The following FAM13B variants were observed in gnomAD, a reference collection of about 807,000 sequenced individuals.
FAM13B encodes the protein protein FAM13B.
Under a neutral mutation model 117.3 loss-of-function variants are expected in FAM13B, and 60 were observed. The ratio of observed to expected loss-of-function variants is 0.51; its 90% CI spans 0.42 to 0.63. The LOEUF (loss-of-function observed/expected upper bound fraction) is 0.63. Ranked by LOEUF, FAM13B falls within the 30% of genes least tolerant of loss-of-function variation. The probability of loss-of-function intolerance (pLI) is 0.00; values close to 1 mark genes in which losing one functional copy is unlikely to be tolerated. For synonymous variants in FAM13B, 332 were observed against 356.1 expected, an observed-to-expected ratio of 0.93 and a Z score of 0.76; for missense variants, 972 against 1,091.9, an observed-to-expected ratio of 0.89 and a Z score of 1.55.
At chr5:137,980,670 G>A (rs890285030) in intron 10 of FAM13B, among the ~76,000 whole-genome samples, 3 of 151,468 alleles carry the variant, frequency 2.0e-5, no homozygotes, top group Non-Finnish European at 4.4e-5. Context: ...GAACTCCTGG[G>A]CTCAAGCGAT....
intron 7 of FAM13B, among the ~76,000 whole-genome samples, chr5:137,992,520 G>A (rs1778872477): frequency 6.6e-6 from 1 of 152,006 alleles, no homozygotes; most frequent in Non-Finnish European, 1.5e-5. Context: ...CTTGAACCCG[G>A]GAGGAAGAGG....
chr5:138,027,554 A>G (rs1646519000), intron 1 of FAM13B, among the ~76,000 whole-genome samples: 1 of 152,246 alleles, frequency 6.6e-6, no homozygotes, highest in Non-Finnish European at 1.5e-5. Context: ...TGGTACAACA[A>G]AAGTGGCAAA....
intron 23 of FAM13B, among the ~76,000 whole-genome samples, chr5:137,941,167 C>G (rs1761668495): frequency 6.6e-6 from 1 of 152,112 alleles, no homozygotes; most frequent in Non-Finnish European, 1.5e-5. Flanking sequence ...CTCAGCCTCC[C>G]AAAGTGCTGG....
At chr5:137,990,991 C>CT (rs1005778853) in intron 7 of FAM13B, among the ~76,000 whole-genome samples, 15 of 152,202 alleles carry the variant, frequency 9.9e-5, no homozygotes, top group African/African-American at 3.6e-4. Context: ...CTCAGAAAGT[C>CT]TGAGACTCTA....
chr5:138,025,093 C>T (rs6885080), intron 1 of FAM13B, among the ~76,000 whole-genome samples: 2 of 151,512 alleles, frequency 1.3e-5, no homozygotes, highest in Admixed American at 1.3e-4. Flanking sequence ...AGGCTGGTAT[C>T]GAACTCCTGA....
chr5:138,049,962 C>CAAAAT (rs1218879314), intron 1 of FAM13B, among the ~76,000 whole-genome samples: 1 of 151,950 alleles, frequency 6.6e-6, no homozygotes, highest in East Asian at 1.9e-4. Context: ...CTTTTCTCTA[C>CAAAAT]AAAATAAAAT....
Position 137,990,189 on chromosome 5 carries a change from G to A in FAM13B, c.849-1874C>T, listed in dbSNP as rs547187634. Among the ~76,000 whole-genome samples, 61 of 152,206 alleles carry A rather than the reference G, an allele frequency of 4.0e-4. No individual in the cohort carries two copies. In the South Asian group the frequency reaches 0.012, roughly 30 times the overall value. ...TGGTGCGATCTGTTTTATTTTCCTTGATAATATTTGCAATCTCTACTAAAC... is the reference window on the plus strand; with the variant it reads ...TGGTGCGATCTGTTTTATTTTCCTTAATAATATTTGCAATCTCTACTAAAC... On this transcript the variant is annotated intron_variant, in intron 7 of 23. Transcript: ENST00000689681.
At chr5:138,033,269 C>G (rs1042796843), upstream of FAM13B, among the ~76,000 whole-genome samples, 1 of 152,162 alleles carries the variant, frequency 6.6e-6, no homozygotes, top group Non-Finnish European at 1.5e-5. Context: ...CAGCCAGGCG[C>G]CATCCCGGGG....
chr5:137,962,874 C>T (rs1485589872), intron 10 of FAM13B, among the ~76,000 whole-genome samples: 1 of 151,992 alleles, frequency 6.6e-6, no homozygotes, highest in Non-Finnish European at 1.5e-5. Flanking sequence ...CACTAGATTC[C>T]TTTGTATATT....
intron 7 of FAM13B, among the ~76,000 whole-genome samples, chr5:137,997,049 C>T (rs72801649): frequency 0.14 from 20,841 of 152,134 alleles, 1,882 homozygotes; most frequent in Non-Finnish European, 0.2. Context: ...TAAACTTTCC[C>T]AATACAACAC....
upstream of FAM13B, among the ~76,000 whole-genome samples, chr5:138,033,434 G>A (rs1287445515): frequency 6.6e-6 from 1 of 152,232 alleles, no homozygotes; most frequent in Non-Finnish European, 1.5e-5. Context: ...GAGGAGCACA[G>A]AGACCTGAAC....
At chr5:137,944,496 G>A (rs373955495) in intron 20 of FAM13B, among the ~76,000 whole-genome samples, 17 of 152,194 alleles carry the variant, frequency 1.1e-4, no homozygotes, top group African/African-American at 4.1e-4. Context: ...GGCAGGGCAC[G>A]GTGGCTCATG....
rs192340423 is a variant in FAM13B, at chr5:138,018,382, A to G, written c.290T>C (p.Leu97Pro). ...KEADVPSAIS[L>P]LRFFLQELPE... ...AAGTTCTTGAAGAAAAAATCTAAGA[A>G]GGCTAATAGCTGAGGGAACATCTGC... Residue 97 changes from leucine (L) to proline (P), a missense_variant, in exon 4 of 24, where the codon CTT (leucine) becomes CCT (proline). Transcript: ENST00000689681. 1 of 1,614,164 alleles carries G rather than the reference A, an allele frequency of 6.2e-7. No individual in the cohort carries two copies. Among genetic ancestry groups the G allele is most frequent in the Non-Finnish European group, 8.5e-7 (1 of 1,180,014 alleles).
chr5:138,004,260 C>G (rs1246888479), intron 7 of FAM13B, among the ~76,000 whole-genome samples: 1 of 150,536 alleles, frequency 6.6e-6, no homozygotes, highest in African/African-American at 2.4e-5. Flanking sequence ...CAGAGCGCAA[C>G]TCCATCTCAA....
rs1411561526 is a variant in FAM13B at position 137,949,018 on chromosome 5, A to G, written c.2097T>C (p.Leu699=). 1 of 1,613,920 alleles carries G rather than the reference A, an allele frequency of 6.2e-7. No homozygotes were observed. Among genetic ancestry groups the G allele is most frequent in the Non-Finnish European group, 8.5e-7 (1 of 1,180,022 alleles). ...CTTTCAGTCTTTTAAGAATAAGTTC[A>G]AGGGTTGCTTCTTTAGATGGTTTTT... ...KEKKPSKEAT[L]ELILKRLKEK... Residue 699 remains leucine (L), a synonymous_variant, in exon 18 of 24, where the codon CTT becomes CTC. Transcript: ENST00000689681.
intron 4 of FAM13B, among the ~76,000 whole-genome samples, chr5:138,014,807 G>C (rs1784876868): frequency 6.6e-6 from 1 of 152,176 alleles, no homozygotes; most frequent in Non-Finnish European, 1.5e-5. Context: ...ATACTGGCCT[G>C]TGTCTGAAGT....
At chr5:138,002,486 G>A (rs999488968) in intron 7 of FAM13B, among the ~76,000 whole-genome samples, 1 of 151,978 alleles carries the variant, frequency 6.6e-6, no homozygotes, top group African/African-American at 2.4e-5. Context: ...CCGAGATCAC[G>A]CTACTGCACT....
At chr5:137,981,089 T>A (rs1417814770) in intron 10 of FAM13B, among the ~76,000 whole-genome samples, 2 of 147,540 alleles carry the variant, frequency 1.4e-5, no homozygotes, top group Admixed American at 6.8e-5. Flanking sequence ...TTTTTTTTTT[T>A]TTTTTTTTTT....
At chr5:137,982,633 A>T (rs186620009) in intron 10 of FAM13B, among the ~76,000 whole-genome samples, 26 of 152,200 alleles carry the variant, frequency 1.7e-4, no homozygotes, top group Middle Eastern at 3.4e-3. Context: ...AAGAATCTGA[A>T]CAAACAGGCC....
Sources: gnomAD v4.1 joint callset for allele counts (sites outside exome capture counted in the v4.1 genomes callset) on GRCh38, gnomAD v4.1.1 for gene constraint, MANE v1.5 for transcripts, NCBI Gene and HGNC (gene_info 2026-07-23, HGNC 2026-07-21) for gene names.